The following PECAM1 variants were observed in gnomAD, a reference collection of about 807,000 sequenced individuals.
PECAM1 encodes platelet endothelial cell adhesion molecule.
A neutral mutation model predicts 13.8 loss-of-function variants in PECAM1; 8 were observed. That is an observed-to-expected ratio of 0.58 (90% CI 0.34 to 1.05). The LOEUF is 1.05. PECAM1 is among the 50% of genes least tolerant of loss of function. The pLI, the probability that PECAM1 is intolerant of heterozygous loss-of-function variation, is 0.03. For synonymous variants in PECAM1, 136 were observed against 52.6 expected (o/e 2.58, Z -6.86); for missense variants, 304 against 141.2 (o/e 2.15, Z -5.84).
intron 5 of PECAM1, among the ~76,000 whole-genome samples, chr17:64,367,757 T>A (rs1287434445): frequency 1.3e-5 from 2 of 151,982 alleles, no homozygotes; most frequent in Admixed American, 1.3e-4. Flanking sequence ...TAGCTCTTTA[T>A]CCCCAGTAAG....
intron 15 of PECAM1, among the ~76,000 whole-genome samples, chr17:64,329,377 A>G (rs2035043890): frequency 6.6e-6 from 1 of 152,242 alleles, no homozygotes; most frequent in East Asian, 1.9e-4. Context: ...CCACTCCTCC[A>G]AGCATACACC....
chr17:64,354,709 G>A (rs12944065), intron 9 of PECAM1, among the ~76,000 whole-genome samples: 62,872 of 152,118 alleles, frequency 0.41, 14,386 homozygotes, highest in South Asian at 0.58. Flanking sequence ...CACTCTACAC[G>A]CATTACAGGA....
intron 4 of PECAM1, among the ~76,000 whole-genome samples, chr17:64,374,616 T>G (rs2036316032): frequency 6.6e-6 from 1 of 151,806 alleles, no homozygotes; most frequent in Non-Finnish European, 1.5e-5. Context: ...AAACCCCATC[T>G]CTACTAAAGA....
At chr17:64,376,929 T>A (rs2036372056) in intron 3 of PECAM1, among the ~76,000 whole-genome samples, 1 of 152,072 alleles carries the variant, frequency 6.6e-6, no homozygotes, top group Non-Finnish European at 1.5e-5. Context: ...TGAGCCAAGG[T>A]CGCGCCATTG....
chr17:64,332,381 A>G (rs1056746798), intron 14 of PECAM1, among the ~76,000 whole-genome samples: 2 of 152,198 alleles, frequency 1.3e-5, no homozygotes, highest in African/African-American at 4.8e-5. Context: ...CAACAGCGAA[A>G]GAACCTCAAG....
At chr17:64,339,384 T>C (rs1005101758) in intron 14 of PECAM1, among the ~76,000 whole-genome samples, 16 of 152,188 alleles carry the variant, frequency 1.1e-4, no homozygotes, top group Admixed American at 9.2e-4. Flanking sequence ...ACAAATCCCA[T>C]TGAAAGACAC....
intron 14 of PECAM1, among the ~76,000 whole-genome samples, chr17:64,335,628 C>T (rs2035256726): frequency 6.6e-6 from 1 of 152,222 alleles, no homozygotes; most frequent in African/African-American, 2.4e-5. Context: ...CTGCCACTGG[C>T]TGTGGAACAA....
rs1055427526 is a variant in PECAM1 at position 64,377,638 on chromosome 17, A to C, written c.385+186T>G. Reference sequence around the variant, plus strand: ...AAAGAAAGGAAGGAAGGAAGGAAGGAAGGGCCTGGCCTATTGGGAATATGT... The same window carrying C: ...AAAGAAAGGAAGGAAGGAAGGAAGGCAGGGCCTGGCCTATTGGGAATATGT... On this transcript the variant is annotated intron_variant, in intron 3 of 15. Coordinates refer to ENST00000563924, the MANE Select transcript of PECAM1 (RefSeq NM_000442.5). 3 of 402,590 alleles carry C rather than the reference A, an allele frequency of 7.5e-6. No homozygotes were observed. In the East Asian group the frequency reaches 1.1e-4, roughly 14 times the overall value. 24.9% of individuals were successfully genotyped at this position (402,590 alleles called of 1,614,324 possible).
chr17:64,373,495 C>T (rs2036287659), intron 4 of PECAM1, among the ~76,000 whole-genome samples: 1 of 150,804 alleles, frequency 6.6e-6, no homozygotes, highest in African/African-American at 2.4e-5. Flanking sequence ...TGATAGGTCC[C>T]CATCTTTTGT....
Position 64,321,603 on chromosome 17 carries a change from A to T in PECAM1, c.*2213T>A, listed in dbSNP as rs1176671373. 10 of 495,190 alleles carry T rather than the reference A, an allele frequency of 2.0e-5. No homozygotes were observed. Among genetic ancestry groups the T allele is most frequent in the African/African-American group, 1.9e-4 (9 of 48,428 alleles). The allele number at this position is 495,190 out of a possible 1,614,324, so 30.7% of individuals were successfully genotyped here. A position where few individuals can be genotyped will look rare whatever the true frequency, so the allele number is the denominator to read the frequency against. ...TGAAACCTCATCTCTGCAAAAAAAA[A>T]ATTAAAAATTAGCCAGCTATGGCGG... is the stretch of plus-strand genomic sequence containing the variant. On this transcript the variant is annotated 3_prime_UTR_variant, in exon 16 of 16. Coordinates refer to ENST00000563924, the MANE Select transcript of PECAM1 (RefSeq NM_000442.5).
intron 4 of PECAM1, among the ~76,000 whole-genome samples, chr17:64,374,290 G>A (rs2036307862): frequency 6.6e-6 from 1 of 152,112 alleles, no homozygotes; most frequent in Non-Finnish European, 1.5e-5. Flanking sequence ...AGGAGTTTGA[G>A]ACCAGCCTGG....
intron 7 of PECAM1, among the ~76,000 whole-genome samples, chr17:64,358,800 AT>A (rs1196401910): frequency 1.9e-3 from 269 of 144,144 alleles, no homozygotes; most frequent in Middle Eastern, 3.6e-3. Flanking sequence ...GTTAATGTTA[AT>A]TTTTTTTTTT....
rs1299127482 is a variant in PECAM1 at position 64,323,044 on chromosome 17, T to TA, written c.*771dup. 1 of 984,844 alleles carries TA rather than the reference T, an allele frequency of 1.0e-6. No individual in the cohort carries two copies. The highest frequency in any genetic ancestry group is 1.7e-5 in the African/African-American group (1 of 57,234). 61.0% of individuals were successfully genotyped at this position (984,844 alleles called of 1,614,324 possible). A position where few individuals can be genotyped will look rare whatever the true frequency, so the allele number is the denominator to read the frequency against. ...CATTTTTAAAAATTAGTAAGAAACA[T>TA]ACACATTTCAAGTTTTCAATTAAGA... On this transcript the variant is annotated 3_prime_UTR_variant, in exon 16 of 16. Transcript: ENST00000563924.
chr17:64,369,447 A>T (rs1256102085), intron 5 of PECAM1, among the ~76,000 whole-genome samples: 3 of 152,154 alleles, frequency 2.0e-5, no homozygotes, highest in African/African-American at 7.2e-5. Context: ...TAGCAGTCCT[A>T]AAAGGTCATT....
In PECAM1 at chr17:64,358,111, CTTTTT is replaced by C. The variant is rs141671796; in HGVS notation, c.1493-1718_1493-1714del. Among the ~76,000 whole-genome samples the C allele has an allele frequency of 1.9e-3, 139 of 71,534 alleles. 1 individual carries two copies. Among genetic ancestry groups the C allele is most frequent in the African/African-American group, 6.8e-3 (128 of 18,736 alleles). The allele number at this position is 71,534 out of a possible 152,430, so 46.9% of individuals were successfully genotyped here. On this transcript the variant is annotated intron_variant, in intron 7 of 15. Coordinates refer to ENST00000563924, the MANE Select transcript of PECAM1 (RefSeq NM_000442.5). ...TCCAGCCATCTGATTTGGCCACAGT[CTTTTT>C]TTTTTTTTTTTTTTTTTTTTGAGAT...
intron 15 of PECAM1, among the ~76,000 whole-genome samples, chr17:64,328,140 G>C (rs2035008095): frequency 6.6e-6 from 1 of 152,234 alleles, no homozygotes. Flanking sequence ...TCTGGGTAAA[G>C]TTCTGTCTGG....
intron 7 of PECAM1, among the ~76,000 whole-genome samples, chr17:64,357,349 C>T (rs1385433370): frequency 2.7e-5 from 4 of 148,822 alleles, no homozygotes; most frequent in East Asian, 4.0e-4. Context: ...AACTCCAAGT[C>T]TCCCTTTTCA....
At chr17:64,330,045 T>C (rs1468840943) in intron 14 of PECAM1, among the ~76,000 whole-genome samples, 2 of 151,942 alleles carry the variant, frequency 1.3e-5, no homozygotes, top group Non-Finnish European at 2.9e-5. Context: ...CCGTAACCTC[T>C]ACCTCCAGGG....
intron 3 of PECAM1, chr17:64,377,556 A>G: frequency 5.5e-6 from 1 of 182,572 alleles, no homozygotes; most frequent in Non-Finnish European, 1.1e-5. Flanking sequence ...GGTTGCAGTG[A>G]GCCGAGATCA....
Sources: gnomAD v4.1 joint callset for allele counts (sites outside exome capture counted in the v4.1 genomes callset) on GRCh38, gnomAD v4.1.1 for gene constraint, MANE v1.5 for transcripts, NCBI Gene and HGNC (gene_info 2026-07-23, HGNC 2026-07-21) for gene names.